The following ZNF410 variants were observed in gnomAD, a reference collection of about 807,000 sequenced individuals.
ZNF410 encodes the protein zinc finger protein 410.
A neutral mutation model predicts 54.8 loss-of-function variants in ZNF410; 18 were observed. The observed-to-expected ratio is 0.33, with a 90% CI of 0.23 to 0.49. The LOEUF (loss-of-function observed/expected upper bound fraction) is 0.49, where lower values mean the gene tolerates loss of function less well. ZNF410 is among the 20% of genes least tolerant of loss of function. The pLI, the probability that ZNF410 is intolerant of heterozygous loss-of-function variation, is 0.99. For missense variants in ZNF410, 405 were observed against 569.6 expected (o/e 0.71, Z 2.94); for synonymous variants, 191 against 207.3 (o/e 0.92, Z 0.68).
intron 8 of ZNF410, among the ~76,000 whole-genome samples, chr14:73,910,959 A>G (rs17782263): frequency 0.5 from 76,236 of 151,248 alleles, 19,310 homozygotes; most frequent in South Asian, 0.61. Context: ...GGTTAGAAAA[A>G]TGTTGGATGA....
At chr14:73,924,683 CT>C (rs71305806) in intron 11 of ZNF410, 3,812 of 364,970 alleles carry the variant, frequency 0.01, no homozygotes, top group Middle Eastern at 0.026. Context: ...CTTTTCTTTT[CT>C]TTTTTTTTTT....
chr14:73,896,460 A>C lies in ZNF410; in HGVS notation c.314A>C (p.Glu105Ala), dbSNP rs1197321383. Residue 105 changes from glutamate (E) to alanine (A), a missense_variant, in exon 4 of 12, where the codon GAG (glutamate) becomes GCG (alanine). Physicochemically the swap from Glu to Ala is moderately radical, Grantham distance 107. Coordinates refer to ENST00000555044, the MANE Select transcript of ZNF410 (RefSeq NM_021188.3). ...TCCCCGGAGTTTTTGTCCACTTCAG[A>C]GTCTTCTAGCTTGTTGCAAGATCTA... ...QKSPEFLSTS[E>A]SSSLLQDLQP... The C allele has an allele frequency of 1.2e-6, 2 of 1,614,052 alleles. No individual in the cohort carries two copies. Among genetic ancestry groups the C allele is most frequent in the Non-Finnish European group, 1.7e-6 (2 of 1,180,046 alleles).
Position 73,921,772 on chromosome 14 carries a change from C to T in ZNF410, c.1130-294C>T, listed in dbSNP as rs542890321. 5.3e-5 allele frequency among the ~76,000 whole-genome samples: 8 copies of T among 152,308 alleles called. No homozygotes were observed. The South Asian group carries it at 6.2e-4, about 12-fold the overall frequency. ...TAACTCTTTTTAATTCTTATTCCTT[C>T]GCCATATCTTTCCTTAATTATTCCA... is the stretch of plus-strand genomic sequence containing the variant. On this transcript the variant is annotated intron_variant, in intron 9 of 11. Coordinates refer to ENST00000555044, the MANE Select transcript of ZNF410 (RefSeq NM_021188.3).
chr14:73,896,922 C>T (rs1004397643), intron 4 of ZNF410, among the ~76,000 whole-genome samples: 43 of 151,964 alleles, frequency 2.8e-4, no homozygotes, highest in African/African-American at 9.9e-4. Flanking sequence ...ATTCAGGAAA[C>T]GTATGAAACA....
rs1199314834 is a variant in ZNF410 at position 73,932,147 on chromosome 14, C to G, written c.*606C>G. On this transcript the variant is annotated 3_prime_UTR_variant, in exon 12 of 12. Coordinates refer to ENST00000555044, the MANE Select transcript of ZNF410 (RefSeq NM_021188.3). ...TGTCCTATACACTTCTACTTGGTCA[C>G]TTTGCTTTCTTCGTTAATGGAACAT... is the stretch of plus-strand genomic sequence containing the variant. 3 of 374,426 alleles carry G rather than the reference C, an allele frequency of 8.0e-6. No homozygotes were observed. The East Asian group carries it at 2.3e-4, about 28-fold the overall frequency. 23.2% of individuals were successfully genotyped at this position (374,426 alleles called of 1,614,324 possible). A position where few individuals can be genotyped will look rare whatever the true frequency, so the allele number is the denominator to read the frequency against.
chr14:73,922,349 G>A (rs1167237760), intron 10 of ZNF410, 143 bp downstream of exon 10: 1 of 847,504 alleles, frequency 1.2e-6, no homozygotes, highest in Non-Finnish European at 1.6e-6. Flanking sequence ...TTATTCTCTG[G>A]GGTGGATTAG....
rs1260972271 is a variant in ZNF410 at position 73,905,007 on chromosome 14, T to C, written c.837T>C (p.Phe279=). 6.2e-7 allele frequency: 1 copy of C among 1,614,184 alleles called. No homozygotes were observed. Among genetic ancestry groups the C allele is most frequent in the South Asian group, 1.1e-5 (1 of 91,092 alleles). The part of the protein sequence containing the change: ...HMRTHNGEKP[F]MCHESGCGKQ... Reference sequence around the variant, plus strand: ...GGACCCACAATGGAGAGAAGCCCTTTATGTGCCATGAGTCTGGCTGTGGTA... The same window carrying C: ...GGACCCACAATGGAGAGAAGCCCTTCATGTGCCATGAGTCTGGCTGTGGTA... The change falls in exon 7 of 12, where the codon TTT becomes TTC. Residue 279 remains phenylalanine, a synonymous_variant. Transcript: ENST00000555044.
chr14:73,923,605 A>G, intron 11 of ZNF410, 83 bp downstream of exon 11: 1 of 1,510,970 alleles, frequency 6.6e-7, no homozygotes, highest in African/African-American at 1.4e-5. Flanking sequence ...AAAAGTCTCC[A>G]GTTTCCATTT....
intron 4 of ZNF410, among the ~76,000 whole-genome samples, chr14:73,897,719 A>G (rs2055341162): frequency 6.6e-6 from 1 of 152,084 alleles, no homozygotes; most frequent in African/African-American, 2.4e-5. Context: ...CACGCCTGTA[A>G]TCCCAGTACT....
intron 11 of ZNF410, among the ~76,000 whole-genome samples, chr14:73,925,433 CT>C (rs58959688): frequency 0.083 from 11,932 of 144,184 alleles, 875 homozygotes; most frequent in East Asian, 0.44. Context: ...CTAACTTTGA[CT>C]TTTTTTTTTT....
Position 73,922,157 on chromosome 14 carries a change from A to G in ZNF410, c.1221A>G (p.Gly407=). ...TGAATTCCCAGCCCAGCCTTGGTGG[A>G]GAGTCCTTGAACCTACCAAATACCA... ...VSMNSQPSLG[G]ESLNLPNTNS... The change falls in exon 10 of 12, where the codon GGA becomes GGG. Residue 407 remains glycine (G), a synonymous_variant. Transcript: ENST00000555044. 1 of 1,614,100 alleles carries G rather than the reference A, an allele frequency of 6.2e-7. No homozygotes were observed. The highest frequency in any genetic ancestry group is 1.1e-5 in the South Asian group (1 of 91,066).
At chr14:73,931,474 A>G (rs560409810) in intron 11 of ZNF410, 29 bp from the exon 12 acceptor site, 19 of 1,595,060 alleles carry the variant, frequency 1.2e-5, no homozygotes, top group African/African-American at 1.3e-5. Context: ...ACTGTAACCT[A>G]TTCTAGATTT....
chr14:73,916,514 T>A (rs979672382), intron 8 of ZNF410: 1 of 152,160 alleles, frequency 6.6e-6, no homozygotes, highest in African/African-American at 2.4e-5. Flanking sequence ...CATGCTGTAT[T>A]TATGCTTTTG....
At chr14:73,903,083 CACACTGAACCAGAAT>C (rs1477059112) in intron 5 of ZNF410, among the ~76,000 whole-genome samples, 1 of 152,132 alleles carries the variant, frequency 6.6e-6, no homozygotes, top group Non-Finnish European at 1.5e-5. Flanking sequence ...TGTCAGAGCC[CACACTGAACCAGAAT>C]GACTACTTCT....
chr14:73,908,832 T>TTTTGTTTG (rs148099105), intron 7 of ZNF410, among the ~76,000 whole-genome samples: 1 of 151,166 alleles, frequency 6.6e-6, no homozygotes, highest in African/African-American at 2.4e-5. Context: ...ACTGCATCTT[T>TTTTGTTTG]TTTGTTTGTT....
intron 11 of ZNF410, among the ~76,000 whole-genome samples, chr14:73,925,710 G>T (rs973990436): frequency 2.6e-5 from 4 of 152,154 alleles, no homozygotes; most frequent in African/African-American, 9.7e-5. Context: ...TTACAGGTGT[G>T]AGCTGCCGCA....
intron 5 of ZNF410, among the ~76,000 whole-genome samples, chr14:73,901,828 G>A (rs999800288): frequency 6.6e-6 from 1 of 151,440 alleles, no homozygotes; most frequent in African/African-American, 2.4e-5. Context: ...CAGCTACTTG[G>A]GAGGCTGAGG....
In ZNF410 at chr14:73,923,637, A is replaced by G. The variant is rs965854220; in HGVS notation, c.1398+115A>G. 5.3e-5 allele frequency: 73 copies of G among 1,378,394 alleles called. No individual in the cohort carries two copies. The African/African-American group carries it at 9.3e-4, about 18-fold the overall frequency. The allele number at this position is 1,378,394 out of a possible 1,614,324, so 85.4% of individuals were successfully genotyped here. ...ATTTCCTGGAAACTTTGGCACGAAT[A>G]TTTTCCTTTAAATTAAGCATGAGTT... is the stretch of plus-strand genomic sequence containing the variant. On this transcript the variant is annotated intron_variant, in intron 11 of 11. Coordinates refer to ENST00000555044, the MANE Select transcript of ZNF410 (RefSeq NM_021188.3).
intron 1 of ZNF410, among the ~76,000 whole-genome samples, chr14:73,889,936 G>C (rs142038158): frequency 5.3e-5 from 8 of 150,686 alleles, no homozygotes; most frequent in Admixed American, 1.3e-4. Flanking sequence ...AGCTGGGTCT[G>C]CAGGCACATG....
Sources: allele counts gnomAD v4.1 joint callset (sites outside exome capture counted in the v4.1 genomes callset), GRCh38; gene constraint gnomAD v4.1.1; transcripts MANE v1.5; gene names NCBI Gene and HGNC (gene_info 2026-07-23, HGNC 2026-07-21).